The following FAM53A variants were observed in gnomAD, a reference collection of about 807,000 sequenced individuals.
FAM53A encodes the protein protein FAM53A.
Under a neutral mutation model 26.6 loss-of-function variants are expected in FAM53A, and 28 were observed. That is an observed-to-expected ratio of 1.05 (90% CI 0.78 to 1.45). The LOEUF (loss-of-function observed/expected upper bound fraction) is 1.45, where lower values mean the gene tolerates loss of function less well. Among genes scored for constraint, FAM53A ranks in the 40% most tolerant of loss-of-function variants. FAM53A has a pLI of 0.00. For synonymous variants in FAM53A, 290 were observed against 253.1 expected (o/e 1.15, Z -1.38); for missense variants, 650 against 575.8 (o/e 1.13, Z -1.32).
intron 4 of FAM53A, among the ~76,000 whole-genome samples, chr4:1,649,855 A>T (rs4865431): frequency 0.4 from 56,220 of 141,504 alleles, 12,151 homozygotes; most frequent in African/African-American, 0.56. Flanking sequence ...GGTGTTTGAC[A>T]GTGAGGTGGC....
intron 1 of FAM53A, among the ~76,000 whole-genome samples, chr4:1,633,559 G>A (rs1244906545): frequency 6.6e-6 from 1 of 152,166 alleles, no homozygotes; most frequent in Non-Finnish European, 1.5e-5. Flanking sequence ...ACGGGAGGCA[G>A]GAGAGGCGGG....
the FAM53A span, among the ~76,000 whole-genome samples, chr4:1,590,667 T>C: frequency 7.2e-5 from 11 of 151,958 alleles, no homozygotes; most frequent in Admixed American, 3.3e-4. Context: ...AGGTTGCCTC[T>C]GAAGGTGACC....
chr4:1,620,948 G>C (rs1226285875), intron 1 of FAM53A, among the ~76,000 whole-genome samples: 2 of 151,976 alleles, frequency 1.3e-5, no homozygotes, highest in African/African-American at 2.4e-5. Flanking sequence ...GCTTTTTTCT[G>C]CTCCACCTCC....
chr4:1,600,015 G>A, the FAM53A span, among the ~76,000 whole-genome samples: 10 of 151,742 alleles, frequency 6.6e-5, no homozygotes, highest in African/African-American at 1.7e-4. Flanking sequence ...CCACCTAGGC[G>A]AGGCCCCTCC....
chr4:1,601,076 C>G, the FAM53A span, among the ~76,000 whole-genome samples: 1 of 152,034 alleles, frequency 6.6e-6, no homozygotes, highest in African/African-American at 2.4e-5. Context: ...CAAGAGCCCT[C>G]CTGCCCAGCC....
At chr4:1,614,923 G>A (rs1052508214), downstream of FAM53A, among the ~76,000 whole-genome samples, 1 of 152,232 alleles carries the variant, frequency 6.6e-6, no homozygotes, top group Non-Finnish European at 1.5e-5. Context: ...TGGCATTTCA[G>A]CACCGGGCAC....
the FAM53A span, among the ~76,000 whole-genome samples, chr4:1,600,787 C>G: frequency 6.6e-6 from 1 of 152,192 alleles, no homozygotes; most frequent in Non-Finnish European, 1.5e-5. Flanking sequence ...CTCCCCGGCT[C>G]AGGCAATCCC....
the FAM53A span, among the ~76,000 whole-genome samples, chr4:1,587,291 GTCA>G: frequency 6.6e-6 from 1 of 152,174 alleles, no homozygotes; most frequent in East Asian, 1.9e-4. Flanking sequence ...TGCTTTTGGG[GTCA>G]TATCCAAAAA....
At chr4:1,610,593 G>A in the FAM53A span, among the ~76,000 whole-genome samples, 1 of 151,968 alleles carries the variant, frequency 6.6e-6, no homozygotes, top group Non-Finnish European at 1.5e-5. Context: ...GGCCTGGGGT[G>A]GAGAGACTGC....
At chr4:1,624,585 A>T (rs1447761444) in intron 1 of FAM53A, among the ~76,000 whole-genome samples, 1 of 152,168 alleles carries the variant, frequency 6.6e-6, no homozygotes, top group Admixed American at 6.5e-5. Context: ...CTCTGGAGAC[A>T]TCTACATCCT....
At chr4:1,581,941 T>C in the FAM53A span, among the ~76,000 whole-genome samples, 1 of 151,360 alleles carries the variant, frequency 6.6e-6, no homozygotes, top group East Asian at 1.9e-4. Context: ...TGGGTGTGAG[T>C]GCAGTGGTGT....
the FAM53A span, among the ~76,000 whole-genome samples, chr4:1,592,035 C>T: frequency 1.3e-5 from 2 of 152,254 alleles, no homozygotes; most frequent in South Asian, 2.1e-4. Flanking sequence ...CAGCACCATA[C>T]GGCTGGATGA....
At chr4:1,670,368 A>G (rs1714550825) in intron 1 of FAM53A, among the ~76,000 whole-genome samples, 1 of 152,224 alleles carries the variant, frequency 6.6e-6, no homozygotes, top group South Asian at 2.1e-4. Flanking sequence ...CCAACACAGC[A>G]GCGACGCGCA....
intron 1 of FAM53A, among the ~76,000 whole-genome samples, chr4:1,682,110 C>A (rs1037144131): frequency 3.3e-5 from 5 of 152,184 alleles, no homozygotes; most frequent in Non-Finnish European, 5.9e-5. Flanking sequence ...TCAGATTAAA[C>A]TACATAACAC....
chr4:1,577,295 A>G, the FAM53A span, among the ~76,000 whole-genome samples: 3 of 152,182 alleles, frequency 2.0e-5, no homozygotes, highest in Non-Finnish European at 4.4e-5. Context: ...AACCCAGGGG[A>G]AGGTGGCCTT....
At chr4:1,664,993 T>C (rs1237075067) in intron 2 of FAM53A, among the ~76,000 whole-genome samples, 2 of 149,612 alleles carry the variant, frequency 1.3e-5, no homozygotes, top group Non-Finnish European at 3.0e-5. Flanking sequence ...ATAAAATAAA[T>C]AAATAAATGA....
At chr4:1,633,032 T>TCATGCG (rs1715679361) in intron 1 of FAM53A, among the ~76,000 whole-genome samples, 1 of 133,728 alleles carries the variant, frequency 7.5e-6, no homozygotes, top group African/African-American at 3.8e-5. Flanking sequence ...ACGCTCATGC[T>TCATGCG]CACACGCATA....
At chr4:1,575,380 G>A in the FAM53A span, among the ~76,000 whole-genome samples, 1 of 152,192 alleles carries the variant, frequency 6.6e-6, no homozygotes, top group Non-Finnish European at 1.5e-5. Context: ...CATCCAAGGT[G>A]CAGACTGGAT....
intron 1 of FAM53A, among the ~76,000 whole-genome samples, chr4:1,680,183 G>A (rs1715322702): frequency 6.6e-6 from 1 of 151,472 alleles, no homozygotes; most frequent in African/African-American, 2.4e-5. Flanking sequence ...GCCGGGCATG[G>A]TGGCACATGC....
Sources: gnomAD v4.1 joint callset for allele counts (sites outside exome capture counted in the v4.1 genomes callset) on GRCh38, gnomAD v4.1.1 for gene constraint, MANE v1.5 for transcripts, NCBI Gene and HGNC (gene_info 2026-07-23, HGNC 2026-07-21) for gene names.